RASA2: variants seen among roughly 807,000 people sequenced by gnomAD.
RASA2 encodes the protein RAS p21 protein activator 2, also known as ras GTPase-activating protein 2.
In RASA2, 155 loss-of-function variants were observed where a neutral mutation model predicts 118.2. The ratio of observed to expected loss-of-function variants is 1.31; its 90% confidence interval spans 1.15 to 1.50. RASA2 has a LOEUF of 1.50. RASA2 is among the 40% of genes most tolerant of loss of function. The pLI, the probability that RASA2 is intolerant of heterozygous loss-of-function variation, is 0.00. For synonymous variants in RASA2, 353 were observed against 349.1 expected (o/e 1.01, Z -0.12); for missense variants, 1,016 against 1,009.6 (o/e 1.01, Z -0.09).
intron 5 of RASA2, among the ~76,000 whole-genome samples, chr3:141,546,011 C>G (rs2082480479): frequency 6.6e-6 from 1 of 152,110 alleles, no homozygotes; most frequent in African/African-American, 2.4e-5. Context: ...CAGTTCCATC[C>G]CTGTTATTTT....
chr3:141,520,693 G>T (rs2082099676), intron 3 of RASA2, among the ~76,000 whole-genome samples: 1 of 151,880 alleles, frequency 6.6e-6, no homozygotes, highest in Non-Finnish European at 1.5e-5. Context: ...TATATACACA[G>T]ATATATATAC....
At chr3:141,499,955 A>T (rs184621125) in intron 1 of RASA2, among the ~76,000 whole-genome samples, 11 of 152,292 alleles carry the variant, frequency 7.2e-5, no homozygotes, top group Admixed American at 5.9e-4. Flanking sequence ...TTTTACAGAT[A>T]CAAGTCATTT....
At chr3:141,531,217 A>G (rs1474101147) in intron 4 of RASA2, among the ~76,000 whole-genome samples, 1 of 152,004 alleles carries the variant, frequency 6.6e-6, no homozygotes, top group African/African-American at 2.4e-5. Flanking sequence ...AGGCTTTGAA[A>G]ATTTAAACTG....
chr3:141,548,855 C>T (rs767567635), intron 5 of RASA2, among the ~76,000 whole-genome samples: 4 of 152,238 alleles, frequency 2.6e-5, no homozygotes, highest in East Asian at 3.9e-4. Context: ...GTCATTTTCT[C>T]GCAGGTTCCG....
At chr3:141,561,139 G>A (rs1482558243) in intron 9 of RASA2, among the ~76,000 whole-genome samples, 1 of 152,126 alleles carries the variant, frequency 6.6e-6, no homozygotes, top group Non-Finnish European at 1.5e-5. Context: ...TTTGGGACCT[G>A]TCATCCTCCC....
intron 19 of RASA2, among the ~76,000 whole-genome samples, chr3:141,590,432 C>A (rs1218156939): frequency 6.6e-6 from 1 of 152,188 alleles, no homozygotes; most frequent in Non-Finnish European, 1.5e-5. Context: ...TCACCCACCT[C>A]TATTTTTTAC....
Position 141,612,563 on chromosome 3 carries a change from C to G in RASA2, c.*250C>G. The G allele has an allele frequency of 2.8e-6, 1 of 362,286 alleles. No homozygotes were observed. 22.4% of individuals were successfully genotyped at this position (362,286 alleles called of 1,614,324 possible). ...GACCAAATCCATGTTTCTGCAACTT[C>G]TTTTTAATCGAAAGAATCTTCCTAG... On this transcript the variant is annotated 3_prime_UTR_variant, in exon 24 of 24. Coordinates refer to ENST00000286364, the MANE Select transcript of RASA2 (RefSeq NM_006506.5).
chr3:141,564,134 T>C (rs1459906111), intron 9 of RASA2, among the ~76,000 whole-genome samples: 1 of 152,150 alleles, frequency 6.6e-6, no homozygotes, highest in Non-Finnish European at 1.5e-5. Flanking sequence ...AAATGAGTAA[T>C]TGGTATAGCA....
chr3:141,547,538 G>A (rs776727308), intron 5 of RASA2, among the ~76,000 whole-genome samples: 10 of 152,058 alleles, frequency 6.6e-5, no homozygotes, highest in Admixed American at 2.0e-4. Context: ...GATTTTTGTT[G>A]TGTTAATTTT....
intron 19 of RASA2, chr3:141,586,995 T>TA (rs768123056): frequency 2.0e-6 from 1 of 495,750 alleles, no homozygotes; most frequent in Non-Finnish European, 3.7e-6. Context: ...CTCTGTTTTC[T>TA]AAAAATCCAT....
chr3:141,538,178 A>C (rs1190094047), intron 4 of RASA2, among the ~76,000 whole-genome samples: 7 of 152,226 alleles, frequency 4.6e-5, no homozygotes, highest in African/African-American at 1.7e-4. Flanking sequence ...TACAGATATA[A>C]GTAAAACTGA....
chr3:141,570,336 T>G (rs1376863602), intron 9 of RASA2, among the ~76,000 whole-genome samples: 1 of 152,040 alleles, frequency 6.6e-6, no homozygotes, highest in African/African-American at 2.4e-5. Context: ...TTCTCCTGCC[T>G]CAGCCTCCCA....
chr3:141,488,980 C>T (rs1241042584), intron 1 of RASA2, among the ~76,000 whole-genome samples: 3 of 152,086 alleles, frequency 2.0e-5, no homozygotes, highest in Non-Finnish European at 2.9e-5. Flanking sequence ...TTGTCTGCCC[C>T]ATGCCAAAGA....
At position 141,553,905 on chromosome 3, in the gene RASA2, C is replaced by T; in HGVS notation, c.576C>T (p.Asp192=). 1.2e-6 allele frequency: 2 copies of T among 1,612,368 alleles called. No individual in the cohort carries two copies. The highest frequency in any genetic ancestry group is 1.7e-6 in the Non-Finnish European group (2 of 1,179,036). The change falls in exon 6 of 24, where the codon GAC becomes GAT. Residue 192 remains aspartate (D), a synonymous_variant. Transcript: ENST00000286364. ...CTCTCATAAATGGCCAAAGCTGTGA[C>T]CCTTATGCAACAGTTTCTCTAGTGG... ...GLPLINGQSC[D]PYATVSLVGP...
At chr3:141,597,838 G>GA (rs113074119) in intron 19 of RASA2, among the ~76,000 whole-genome samples, 3,318 of 149,848 alleles carry the variant, frequency 0.022, 124 homozygotes, top group African/African-American at 0.072. Flanking sequence ...ACTGATAAAA[G>GA]AAAAAAAAAT....
Position 141,600,286 on chromosome 3 carries a change from A to G in RASA2, c.1934-7392A>G, listed in dbSNP as rs1352367297. 6 of 537,830 alleles carry G rather than the reference A, an allele frequency of 1.1e-5. 1 individual carries two copies. Among genetic ancestry groups the G allele is most frequent in the Admixed American group, 7.8e-5 (4 of 51,412 alleles). The allele number at this position is 537,830 out of a possible 1,614,324, so 33.3% of individuals were successfully genotyped here. ...ATGTATTTAGTTTTCAGCCCCTTCT[A>G]CTGCCTCACATTCTTCTCCTGCACT... On this transcript the variant is annotated intron_variant, in intron 19 of 23. Transcript: ENST00000286364.
At chr3:141,549,085 C>T (rs1477552579) in intron 5 of RASA2, among the ~76,000 whole-genome samples, 10 of 152,154 alleles carry the variant, frequency 6.6e-5, no homozygotes, top group Admixed American at 5.9e-4. Context: ...TCTCTACCAC[C>T]ACAGCCTGGA....
intron 7 of RASA2, among the ~76,000 whole-genome samples, chr3:141,556,434 G>A (rs1021765108): frequency 2.0e-5 from 3 of 152,128 alleles, no homozygotes; most frequent in African/African-American, 7.2e-5. Flanking sequence ...AGAATCCTTT[G>A]AGACCATAAA....
At chr3:141,512,706 C>T (rs533881103) in intron 2 of RASA2, among the ~76,000 whole-genome samples, 6 of 152,170 alleles carry the variant, frequency 3.9e-5, no homozygotes, top group East Asian at 1.9e-4. Context: ...ACCTCTGCAC[C>T]GTAGCAATGT....
Sources: allele counts gnomAD v4.1 joint callset (sites outside exome capture counted in the v4.1 genomes callset), GRCh38; gene constraint gnomAD v4.1.1; transcripts MANE v1.5; gene names NCBI Gene and HGNC (gene_info 2026-07-23, HGNC 2026-07-21).